CLCN6: variants seen among roughly 807,000 people sequenced by gnomAD.
The protein encoded by CLCN6 is H(+)/Cl(-) exchange transporter 6.
In CLCN6, 70 loss-of-function variants were observed where a neutral mutation model predicts 109.8. The observed-to-expected ratio is 0.64, with a 90% CI of 0.53 to 0.78. The LOEUF (loss-of-function observed/expected upper bound fraction) is 0.78, where lower values mean the gene tolerates loss of function less well. CLCN6 is among the 30% of genes least tolerant of loss of function. The pLI, the probability that CLCN6 is intolerant of heterozygous loss-of-function variation, is 0.00. For missense variants in CLCN6, 984 were observed against 1,142.3 expected, an observed-to-expected ratio of 0.86 and a Z score of 2.00; for synonymous variants, 444 against 447.8, an observed-to-expected ratio of 0.99 and a Z score of 0.11.
intron 13 of CLCN6, among the ~76,000 whole-genome samples, chr1:11,832,521 G>A (rs1203330903): frequency 6.6e-6 from 1 of 152,248 alleles, no homozygotes; most frequent in Non-Finnish European, 1.5e-5. Flanking sequence ...TGGCTCACCA[G>A]TGCCAGGTGC....
chr1:11,807,105 C>T lies in CLCN6; in HGVS notation c.88-26C>T, dbSNP rs1037532859. 3 of 1,610,088 alleles carry T rather than the reference C, an allele frequency of 1.9e-6. No homozygotes were observed. In the Admixed American group the frequency reaches 5.0e-5, roughly 27 times the overall value. On this transcript the variant is annotated intron_variant, in intron 1 of 22. Coordinates refer to ENST00000346436, the MANE Select transcript of CLCN6 (RefSeq NM_001286.5). ...TTCCACTCCTAACCACTAAAAAAGG[C>T]TCCCTCTGCGGATCTGTTTTTCTAG...
Position 11,806,304 on chromosome 1 carries a change from G to T in CLCN6, c.42G>T (p.Trp14Cys). ...GGTCTCTGTGCTGCTGCTGCAGGTG[G>T]TGCTGCTGCTGCGGTGAGCGTGAGA... ...CRGSLCCCCR[W>C]CCCCGERETR... The change falls in exon 1 of 23, where the codon TGG becomes TGT. Residue 14 changes from tryptophan to cysteine, a missense_variant. By Grantham distance (215) the Trp-to-Cys change is radical. Transcript: ENST00000346436. The T allele has an allele frequency of 6.6e-7, 1 of 1,512,762 alleles. No homozygotes were observed. Among genetic ancestry groups the T allele is most frequent in the Non-Finnish European group, 8.8e-7 (1 of 1,142,612 alleles). The allele number at this position is 1,512,762 out of a possible 1,614,324, so 93.7% of individuals were successfully genotyped here. A position where few individuals can be genotyped will look rare whatever the true frequency, so the allele number is the denominator to read the frequency against.
In CLCN6 at chr1:11,828,634, C is replaced by T. The variant is rs1161269905; in HGVS notation, c.1121+10C>T. The stretch of plus-strand genomic sequence containing the variant: ...AACCTAAGCTCGTCAGGTATCTGCA[C>T]AGTCGCCTCCCCCCCGAGCCTGCTG... On this transcript the variant is annotated intron_variant, in intron 12 of 22. Coordinates refer to ENST00000346436, the MANE Select transcript of CLCN6 (RefSeq NM_001286.5). The T allele has an allele frequency of 2.5e-6, 4 of 1,588,822 alleles. No individual in the cohort carries two copies. In the South Asian group the frequency reaches 4.6e-5, roughly 18 times the overall value.
At chr1:11,838,686 C>T (rs1235994422) in intron 22 of CLCN6, 26 bp downstream of exon 22, 8 of 1,614,260 alleles carry the variant, frequency 5.0e-6, no homozygotes, top group South Asian at 1.1e-5. Flanking sequence ...GCCCTGCCCC[C>T]ACCTTTGAGA....
rs1644850428 is a variant in CLCN6 at position 11,829,206 on chromosome 1, A to G, written c.1132A>G (p.Ser378Gly). 1 of 1,613,868 alleles carries G rather than the reference A, an allele frequency of 6.2e-7. No individual in the cohort carries two copies. The highest frequency in any genetic ancestry group is 1.3e-5 in the African/African-American group (1 of 74,964). ...PKPKLVRVLE[S>G]LLVSLVTTVV... ...TGCTTTGCCTCCTAGAGTCTTAGAG[A>G]GCCTCCTTGTGTCTCTGGTAACCAC... The change falls in exon 13 of 23, where the codon AGC becomes GGC. Residue 378 changes from serine (S) to glycine (G), a missense_variant. By Grantham distance (56) the Ser-to-Gly change is moderately conservative. Transcript: ENST00000346436.
At chr1:11,816,264 TTTTATA>T (rs1255062292) in intron 3 of CLCN6, among the ~76,000 whole-genome samples, 1 of 152,240 alleles carries the variant, frequency 6.6e-6, no homozygotes, top group Non-Finnish European at 1.5e-5. Context: ...TAAACATCAC[TTTTATA>T]TGCACTGGGT....
rs1175691793 is a variant in CLCN6 at position 11,834,593 on chromosome 1, A to G, written c.1793+3A>G. 1.1e-5 allele frequency: 17 copies of G among 1,613,114 alleles called. No homozygotes were observed. The highest frequency in any genetic ancestry group is 1.4e-5 in the Non-Finnish European group (16 of 1,179,336). ...GAGACAGAGGTGGAAATGGACAAGTAAGGCCATGATTTTGCTCATGTCCTA... is the reference window on the plus strand; with the variant it reads ...GAGACAGAGGTGGAAATGGACAAGTGAGGCCATGATTTTGCTCATGTCCTA... On this transcript the variant is annotated splice_donor_region_variant and intron_variant, in intron 17 of 22. Transcript: ENST00000346436. This position sits in a 1 kb window ranked among gnomAD's most constrained non-coding sequence, Gnocchi z 4.5.
chr1:11,815,488 C>T (rs1442669500), intron 2 of CLCN6, among the ~76,000 whole-genome samples: 1 of 152,144 alleles, frequency 6.6e-6, no homozygotes, highest in Non-Finnish European at 1.5e-5. Flanking sequence ...CTCCACCTCC[C>T]AGGTTCCAGT....
At chr1:11,816,999 T>C (rs1644681778) in intron 4 of CLCN6, among the ~76,000 whole-genome samples, 1 of 152,244 alleles carries the variant, frequency 6.6e-6, no homozygotes, top group Non-Finnish European at 1.5e-5. Context: ...TTATGGATCA[T>C]AATCTCTAAT....
rs1644835430 is a variant in CLCN6, at chr1:11,828,099, C to T, written c.841-7C>T. The T allele has an allele frequency of 1.9e-6, 3 of 1,607,544 alleles. No homozygotes were observed. The African/African-American group carries it at 4.0e-5, about 22-fold the overall frequency. On this transcript the variant is annotated splice_polypyrimidine_tract_variant and splice_region_variant and intron_variant, in intron 10 of 22. Transcript: ENST00000346436. The stretch of plus-strand genomic sequence containing the variant: ...AACCTTCTTGTCTTTTGTCACCTCT[C>T]CCCTAGCTCTTTTGTTCCATGTCTG...
intron 2 of CLCN6, among the ~76,000 whole-genome samples, chr1:11,808,965 G>A (rs6697335): frequency 0.098 from 14,919 of 151,684 alleles, 784 homozygotes; most frequent in South Asian, 0.16. Flanking sequence ...AGGTTCAAGC[G>A]GTTCTTCTGC....
At position 11,838,386 on chromosome 1, in the gene CLCN6, C is replaced by T. The variant is rs551681929; in HGVS notation, c.2347C>T (p.Arg783Trp). The T allele has an allele frequency of 2.4e-5, 38 of 1,613,932 alleles. No homozygotes were observed. In the South Asian group the frequency reaches 2.6e-4, roughly 11 times the overall value. The change falls in exon 21 of 23, where the codon CGG (arginine) becomes TGG (tryptophan). Residue 783 changes from arginine (R) to tryptophan (W), a missense_variant. Physicochemically the swap from Arg to Trp is moderately radical, Grantham distance 101. Coordinates refer to ENST00000346436, the MANE Select transcript of CLCN6 (RefSeq NM_001286.5). ...SYAEMAEDYP[R>W]YPDIHDLDLT... is the part of the protein sequence containing the mutation. ...TGCCGAGATGGCCGAGGACTACCCGCGGTACCCCGACATCCACGACCTGGA... is the reference window on the plus strand; with the variant it reads ...TGCCGAGATGGCCGAGGACTACCCGTGGTACCCCGACATCCACGACCTGGA...
intron 2 of CLCN6, among the ~76,000 whole-genome samples, chr1:11,815,257 A>T (rs1644654935): frequency 6.6e-6 from 1 of 152,350 alleles, no homozygotes; most frequent in East Asian, 1.9e-4. Flanking sequence ...TTTTGCCAAA[A>T]CAGGAAGTTT....
chr1:11,835,840 C>A (rs1005777661), intron 17 of CLCN6, 127 bp from the exon 18 acceptor site: 1 of 669,134 alleles, frequency 1.5e-6, no homozygotes, highest in East Asian at 2.7e-5. Flanking sequence ...TGAGGGAGAG[C>A]TGGGGCAGTT....
chr1:11,809,545 G>A (rs758925521), intron 2 of CLCN6, among the ~76,000 whole-genome samples: 3 of 151,994 alleles, frequency 2.0e-5, no homozygotes, highest in Admixed American at 6.6e-5. Context: ...CTCCACCCCC[G>A]CCTCTGAGTT....
chr1:11,831,675 A>C (rs950348886), intron 13 of CLCN6, among the ~76,000 whole-genome samples: 1 of 152,192 alleles, frequency 6.6e-6, no homozygotes, highest in South Asian at 2.1e-4. Flanking sequence ...ATGGGCTAGG[A>C]ATTAAATATG....
intron 13 of CLCN6, among the ~76,000 whole-genome samples, chr1:11,830,499 A>T (rs1237682699): frequency 2.0e-5 from 3 of 152,282 alleles, no homozygotes; most frequent in Non-Finnish European, 2.9e-5. Context: ...ATGATTTAAA[A>T]GTATATAGGA....
In CLCN6 at chr1:11,836,303, A is replaced by C. The variant is rs1003768258; in HGVS notation, c.1980+150A>C. 1.3e-5 allele frequency: 9 copies of C among 687,996 alleles called. No individual in the cohort carries two copies. The African/African-American group carries it at 1.5e-4, about 11-fold the overall frequency. 42.6% of individuals were successfully genotyped at this position (687,996 alleles called of 1,614,324 possible). On this transcript the variant is annotated intron_variant, in intron 18 of 22. Transcript: ENST00000346436. The stretch of plus-strand genomic sequence containing the variant: ...TCTCATCACATGCGACAGGGAGAGT[A>C]GATTTGACAGCAGGGGCAGCTTTAT...
rs1455739407 is a variant in CLCN6 at position 11,829,313 on chromosome 1, C to G, written c.1239C>G (p.Phe413Leu). 1 of 1,614,126 alleles carries G rather than the reference C, an allele frequency of 6.2e-7. No homozygotes were observed. Among genetic ancestry groups the G allele is most frequent in the Admixed American group, 1.7e-5 (1 of 60,020 alleles). Reference protein sequence around the residue: ...SSSSQIGNDSFQLQVTEDVNS... With the variant: ...SSSSQIGNDSLQLQVTEDVNS... ...CGAGTCAAATCGGTAATGACTCATTCCAGCTCCAGGTAACCCCAGTGCACC... is the reference window on the plus strand; with the variant it reads ...CGAGTCAAATCGGTAATGACTCATTGCAGCTCCAGGTAACCCCAGTGCACC... Residue 413 changes from phenylalanine (F) to leucine (L), a missense_variant, in exon 13 of 23, where the codon TTC becomes TTG. Phe to Leu is a conservative substitution (Grantham distance 22, BLOSUM62 0). Transcript: ENST00000346436.
Sources: gnomAD v4.1 joint callset for allele counts (sites outside exome capture counted in the v4.1 genomes callset) on GRCh38, gnomAD v4.1.1 for gene constraint, Gnocchi (gnomAD v3.1) non-coding constraint, MANE v1.5 for transcripts, NCBI Gene and HGNC (gene_info 2026-07-23, HGNC 2026-07-21) for gene names.